The following CTNNA3 variants were observed in gnomAD, a reference collection of about 807,000 sequenced individuals.
CTNNA3 encodes catenin alpha-3.
CTNNA3 carries 76 observed loss-of-function variants against 95.7 expected under a neutral mutation model. The ratio of observed to expected loss-of-function variants is 0.79; its 90% CI spans 0.66 to 0.96. The LOEUF (loss-of-function observed/expected upper bound fraction) is 0.96, where lower values mean the gene tolerates loss of function less well. CTNNA3 is among the 40% of genes least tolerant of loss of function. The pLI, the probability that CTNNA3 is intolerant of heterozygous loss-of-function variation, is 0.00. For missense variants in CTNNA3, 1,191 were observed against 1,089.8 expected (o/e 1.09, Z -1.31); for synonymous variants, 431 against 374.4 (o/e 1.15, Z -1.74).
intron 12 of CTNNA3, among the ~76,000 whole-genome samples, chr10:66,376,647 G>T (rs899260243): frequency 1.3e-5 from 2 of 151,968 alleles, no homozygotes; most frequent in African/African-American, 2.4e-5. Flanking sequence ...TTGCAAAGAC[G>T]GAAAAGTCTT....
chr10:66,965,565 GTTTT>G (rs33920200), intron 7 of CTNNA3, among the ~76,000 whole-genome samples: 16 of 134,698 alleles, frequency 1.2e-4, no homozygotes, highest in Middle Eastern at 3.9e-3. Flanking sequence ...AAAAAAAGCT[GTTTT>G]TTTTTTTTTT....
rs552314824 is a variant in CTNNA3, at chr10:65,992,035, T to C, written c.2160-3238A>G. Among the ~76,000 whole-genome samples the C allele has an allele frequency of 4.6e-5, 7 of 152,270 alleles. No homozygotes were observed. In the East Asian group the frequency reaches 1.4e-3, roughly 29 times the overall value. ...ATTTTTTAATCTTTCATTCTTTTGA[T>C]ATGATGTATCACGTTTATTGATTTG... On this transcript the variant is annotated intron_variant, in intron 15 of 17. Coordinates refer to ENST00000433211, the MANE Select transcript of CTNNA3 (RefSeq NM_013266.4).
intron 13 of CTNNA3, among the ~76,000 whole-genome samples, chr10:66,124,103 A>G (rs545262509): frequency 4.9e-4 from 74 of 152,274 alleles, no homozygotes; most frequent in Non-Finnish European, 9.6e-4. Flanking sequence ...GTCAGGCTAC[A>G]CATTTTCTGA....
intron 7 of CTNNA3, among the ~76,000 whole-genome samples, chr10:66,784,926 G>C (rs937808747): frequency 1.3e-5 from 2 of 152,132 alleles, no homozygotes; most frequent in Non-Finnish European, 2.9e-5. Context: ...GGACACTTGT[G>C]AACTCTCTCC....
chr10:66,776,576 C>G (rs1242196555), intron 7 of CTNNA3, among the ~76,000 whole-genome samples: 1 of 152,126 alleles, frequency 6.6e-6, no homozygotes, highest in Non-Finnish European at 1.5e-5. Flanking sequence ...CTTTTTTACT[C>G]TTATGTACTG....
chr10:66,277,360 C>G (rs2091418938), intron 13 of CTNNA3, among the ~76,000 whole-genome samples: 1 of 152,048 alleles, frequency 6.6e-6, no homozygotes, highest in South Asian at 2.1e-4. Context: ...CATAGCCTAT[C>G]CCTCCCTGAG....
At chr10:66,231,509 T>C (rs2089589506) in intron 13 of CTNNA3, among the ~76,000 whole-genome samples, 1 of 152,168 alleles carries the variant, frequency 6.6e-6, no homozygotes, top group South Asian at 2.1e-4. Flanking sequence ...AGGTTTAAGA[T>C]TGTAACCTGA....
intron 7 of CTNNA3, among the ~76,000 whole-genome samples, chr10:67,083,522 C>T (rs796532828): frequency 1.1e-4 from 17 of 152,226 alleles, no homozygotes; most frequent in African/African-American, 3.9e-4. Context: ...ATTTTAACTA[C>T]ATTTGAGTTA....
chr10:66,766,238 G>A, intron 9 of CTNNA3, 26 bp downstream of exon 9: 2 of 1,607,452 alleles, frequency 1.2e-6, no homozygotes, highest in South Asian at 2.2e-5. Flanking sequence ...CTGGACTTTA[G>A]TGAGTTACAG....
chr10:66,688,778 T>C, intron 9 of CTNNA3, among the ~76,000 whole-genome samples: 1 of 151,116 alleles, frequency 6.6e-6, no homozygotes, highest in African/African-American at 2.5e-5. Flanking sequence ...GAGACCATCC[T>C]GGCTAACGTG....
intron 6 of CTNNA3, among the ~76,000 whole-genome samples, chr10:67,194,913 A>C (rs1464592866): frequency 6.6e-6 from 1 of 152,034 alleles, no homozygotes; most frequent in Non-Finnish European, 1.5e-5. Flanking sequence ...TTAGTATTAC[A>C]GAAAAGTCTT....
At position 66,166,876 on chromosome 10, in the gene CTNNA3, C is replaced by T. The variant is rs572026414; in HGVS notation, c.1885-63627G>A. Among the ~76,000 whole-genome samples the T allele has an allele frequency of 7.2e-5, 11 of 152,094 alleles. No individual in the cohort carries two copies. In the South Asian group the frequency reaches 2.3e-3, roughly 32 times the overall value. On this transcript the variant is annotated intron_variant, in intron 13 of 17. Coordinates refer to ENST00000433211, the MANE Select transcript of CTNNA3 (RefSeq NM_013266.4). ...GGATACATAAAACAGGAACAGGTGT[C>T]GATAGAGTTCATGTAACAGTAAGGG...
chr10:66,127,145 G>T (rs10996918), intron 13 of CTNNA3, among the ~76,000 whole-genome samples: 4 of 151,716 alleles, frequency 2.6e-5, no homozygotes, highest in African/African-American at 9.7e-5. Context: ...GGTGGCGGGC[G>T]CCTGTAGTCC....
chr10:67,012,670 A>C (rs1385186439), intron 7 of CTNNA3, among the ~76,000 whole-genome samples: 1 of 152,046 alleles, frequency 6.6e-6, no homozygotes, highest in Non-Finnish European at 1.5e-5. Context: ...TTGTGCCCTC[A>C]TTGGTTGTCC....
intron 9 of CTNNA3, among the ~76,000 whole-genome samples, chr10:66,708,638 C>T (rs540751039): frequency 1.3e-5 from 2 of 152,108 alleles, no homozygotes; most frequent in South Asian, 4.1e-4. Flanking sequence ...AACAAGAGGC[C>T]AGAGAGCTGT....
At chr10:66,626,999 T>C (rs1165421097) in intron 9 of CTNNA3, among the ~76,000 whole-genome samples, 1 of 151,976 alleles carries the variant, frequency 6.6e-6, no homozygotes, top group Non-Finnish European at 1.5e-5. Flanking sequence ...AGGATTTTGG[T>C]TAATTTTCAT....
At chr10:67,062,116 T>A (rs1429848139) in intron 7 of CTNNA3, among the ~76,000 whole-genome samples, 2 of 152,156 alleles carry the variant, frequency 1.3e-5, no homozygotes, top group Admixed American at 1.3e-4. Context: ...ATATACATTA[T>A]CTCTTAGGAT....
intron 5 of CTNNA3, among the ~76,000 whole-genome samples, chr10:67,245,992 A>C (rs2132344048): frequency 6.6e-6 from 1 of 152,214 alleles, no homozygotes; most frequent in African/African-American, 2.4e-5. Flanking sequence ...TCACCTGCAT[A>C]TCTTAGGATT....
At chr10:66,628,268 T>C (rs1169328080) in intron 9 of CTNNA3, among the ~76,000 whole-genome samples, 6 of 152,268 alleles carry the variant, frequency 3.9e-5, no homozygotes, top group African/African-American at 1.4e-4. Context: ...GTGAATTCTA[T>C]TTTTTAAAGT....
Sources: gnomAD v4.1 joint callset for allele counts (sites outside exome capture counted in the v4.1 genomes callset) on GRCh38, gnomAD v4.1.1 for gene constraint, MANE v1.5 for transcripts, NCBI Gene and HGNC (gene_info 2026-07-23, HGNC 2026-07-21) for gene names.